The following PRKN variants were observed in gnomAD, a reference collection of about 807,000 sequenced individuals.
PRKN encodes parkin RBR E3 ubiquitin protein ligase.
PRKN carries 56 observed loss-of-function variants against 59.5 expected under a neutral mutation model. That is an observed-to-expected ratio of 0.94 (90% CI 0.76 to 1.18). PRKN has a LOEUF of 1.18. Ranked by LOEUF, PRKN falls within the 50% of genes most tolerant of loss-of-function variation. The probability of loss-of-function intolerance (pLI) is 0.00; values close to 1 mark genes in which losing one functional copy is unlikely to be tolerated. For missense variants in PRKN, 657 were observed against 596.4 expected, an observed-to-expected ratio of 1.10 and a Z score of -1.06; for synonymous variants, 250 against 222.1, an observed-to-expected ratio of 1.13 and a Z score of -1.12.
chr6:162,462,272 T>C (rs1791213930), intron 1 of PRKN, among the ~76,000 whole-genome samples: 1 of 152,238 alleles, frequency 6.6e-6, no homozygotes, highest in Non-Finnish European at 1.5e-5. Context: ...TACATGTTTA[T>C]ATTTTGAATT....
At chr6:161,486,987 G>A (rs543764591) in intron 9 of PRKN, among the ~76,000 whole-genome samples, 2 of 152,294 alleles carry the variant, frequency 1.3e-5, no homozygotes, top group Admixed American at 6.5e-5. Flanking sequence ...CAGTGTCTGA[G>A]TAAGAGTTTA....
At chr6:162,072,378 T>C (rs1024080558) in intron 4 of PRKN, among the ~76,000 whole-genome samples, 2 of 152,158 alleles carry the variant, frequency 1.3e-5, no homozygotes, top group Non-Finnish European at 2.9e-5. Context: ...GAGCTGGGTT[T>C]TAAGCTGAGA....
intron 4 of PRKN, among the ~76,000 whole-genome samples, chr6:162,167,066 A>G (rs757913407): frequency 7.2e-5 from 11 of 152,194 alleles, no homozygotes; most frequent in Non-Finnish European, 1.2e-4. Context: ...CATATGTCCA[A>G]CTGTGTCAGA....
chr6:161,891,531 T>G (rs1562369379), intron 6 of PRKN, among the ~76,000 whole-genome samples: 1 of 152,166 alleles, frequency 6.6e-6, no homozygotes, highest in Non-Finnish European at 1.5e-5. Context: ...TCTTACAGGC[T>G]TGAATAATTC....
At chr6:162,674,066 T>C (rs1562487241) in intron 1 of PRKN, among the ~76,000 whole-genome samples, 1 of 152,342 alleles carries the variant, frequency 6.6e-6, no homozygotes, top group South Asian at 2.1e-4. Flanking sequence ...GCTAGTTGCA[T>C]GGTGTCAGAA....
intron 1 of PRKN, among the ~76,000 whole-genome samples, chr6:162,599,708 G>A (rs1272046553): frequency 1.3e-5 from 2 of 152,260 alleles, no homozygotes; most frequent in Non-Finnish European, 2.9e-5. Context: ...ATGTCAATCA[G>A]AATATGGGCA....
At position 161,395,590 on chromosome 6, in the gene PRKN, G is replaced by A. The variant is rs1378991626; in HGVS notation, c.1084-8713C>T. 1.3e-5 allele frequency among the ~76,000 whole-genome samples: 2 copies of A among 152,186 alleles called. No individual in the cohort carries two copies. The highest frequency in any genetic ancestry group is 1.9e-4 in the East Asian group (1 of 5,194). On this transcript the variant is annotated intron_variant, in intron 9 of 11. Transcript: ENST00000366898. The surrounding 1 kb of genome is among the most constrained non-coding windows in gnomAD (Gnocchi z 5.0). ...AGGCTTAGCAGCAAGGTGGGTGGAA[G>A]CTGCTTCCCCAACACGCTGTGGTCT...
At position 161,374,895 on chromosome 6, in the gene PRKN, C is replaced by CT. The variant is rs765369408; in HGVS notation, c.1167+11898dup. Among the ~76,000 whole-genome samples, 28 of 152,178 alleles carry CT rather than the reference C, an allele frequency of 1.8e-4. 1 individual carries two copies. The highest frequency in any genetic ancestry group is 6.0e-4 in the African/African-American group (25 of 41,478). On this transcript the variant is annotated intron_variant, in intron 10 of 11. Coordinates refer to ENST00000366898, the MANE Select transcript of PRKN (RefSeq NM_004562.3). ...GTCGGTTCAGAATTTACATTCAGAC[C>CT]TTTTTTACCAACTCTGCTGGGATCC... is the stretch of plus-strand genomic sequence containing the variant.
chr6:161,785,279 A>C (rs1790367153), intron 7 of PRKN, among the ~76,000 whole-genome samples: 1 of 152,240 alleles, frequency 6.6e-6, no homozygotes, highest in Non-Finnish European at 1.5e-5. Context: ...ATATGTAATA[A>C]CAGTATAGTA....
chr6:161,787,019 G>A (rs1399337074), intron 6 of PRKN, among the ~76,000 whole-genome samples: 1 of 152,046 alleles, frequency 6.6e-6, no homozygotes, highest in African/African-American at 2.4e-5. Flanking sequence ...GCCCCAAGGC[G>A]ATTTTAATAG....
chr6:161,733,780 AAAAATATATAT>A (rs1301191665), intron 7 of PRKN, among the ~76,000 whole-genome samples: 2 of 84,762 alleles, frequency 2.4e-5, no homozygotes, highest in African/African-American at 1.5e-4. Context: ...GAAAAAAAAA[AAAAATATATAT>A]ATATATGTAT....
chr6:162,431,513 G>A (rs557518481), intron 2 of PRKN, among the ~76,000 whole-genome samples: 28 of 151,984 alleles, frequency 1.8e-4, no homozygotes, highest in African/African-American at 5.3e-4. Flanking sequence ...AGCCAAGATC[G>A]CGCCACTGCA....
rs916583411 is a variant in PRKN, at chr6:162,585,846, C to T, written c.7+141816G>A. On this transcript the variant is annotated intron_variant, in intron 1 of 11. Coordinates refer to ENST00000366898, the MANE Select transcript of PRKN (RefSeq NM_004562.3). ...CCTCCTGAATAGCTGGGATTACAGG[C>T]GCGTGCCACCATGCCCGGCTAATTT... Among the ~76,000 whole-genome samples the T allele has an allele frequency of 9.9e-5, 15 of 151,870 alleles. No homozygotes were observed. The South Asian group carries it at 1.5e-3, about 15-fold the overall frequency.
At chr6:162,035,496 C>A (rs1783804268) in intron 5 of PRKN, among the ~76,000 whole-genome samples, 1 of 152,118 alleles carries the variant, frequency 6.6e-6, no homozygotes, top group Admixed American at 6.5e-5. Context: ...CATATTTCTC[C>A]AGGATGATAT....
At chr6:161,679,944 C>T (rs1325421406) in intron 7 of PRKN, among the ~76,000 whole-genome samples, 2 of 151,370 alleles carry the variant, frequency 1.3e-5, no homozygotes, top group African/African-American at 4.9e-5. Context: ...TTAGTAGAGA[C>T]GGGGTTTCAC....
chr6:162,121,976 T>A (rs1954921), intron 4 of PRKN, among the ~76,000 whole-genome samples: 31,574 of 151,996 alleles, frequency 0.21, 3,603 homozygotes, highest in Non-Finnish European at 0.25. Flanking sequence ...AGGGGTCTGG[T>A]TGGAAGGTAA....
In PRKN at chr6:161,588,667, A is replaced by C. The variant is rs185786713; in HGVS notation, c.872-19251T>G. Among the ~76,000 whole-genome samples the C allele has an allele frequency of 3.3e-5, 5 of 152,122 alleles. No homozygotes were observed. Among genetic ancestry groups the C allele is most frequent in the Admixed American group, 2.0e-4 (3 of 15,272 alleles). ...CATGTGAGCCACCAACTTGGTTCTG[A>C]GTTTCCCAGCAATCAGAACAAAGAG... On this transcript the variant is annotated intron_variant, in intron 7 of 11. Coordinates refer to ENST00000366898, the MANE Select transcript of PRKN (RefSeq NM_004562.3). The surrounding 1 kb of genome is among the most constrained non-coding windows in gnomAD (Gnocchi z 5.0).
At chr6:162,645,579 A>T (rs1163439967) in intron 1 of PRKN, among the ~76,000 whole-genome samples, 1 of 152,178 alleles carries the variant, frequency 6.6e-6, no homozygotes, top group Non-Finnish European at 1.5e-5. Context: ...ATAGTTGTTT[A>T]GCTGTATGGG....
intron 1 of PRKN, among the ~76,000 whole-genome samples, chr6:162,562,641 G>A (rs1779890501): frequency 6.6e-6 from 1 of 152,148 alleles, no homozygotes; most frequent in Admixed American, 6.5e-5. Context: ...AACTGGGAAG[G>A]ACTGTATTTT....
Sources: allele counts gnomAD v4.1 joint callset (sites outside exome capture counted in the v4.1 genomes callset), GRCh38; gene constraint gnomAD v4.1.1; non-coding constraint Gnocchi (gnomAD v3.1); transcripts MANE v1.5; gene names NCBI Gene and HGNC (gene_info 2026-07-23, HGNC 2026-07-21).